The following ZBTB17 variants were observed in gnomAD, a reference collection of about 807,000 sequenced individuals.
The protein encoded by ZBTB17 is zinc finger and BTB domain containing 17.
Under a neutral mutation model 85.1 loss-of-function variants are expected in ZBTB17, and 24 were observed. That is an observed-to-expected ratio of 0.28 (90% CI 0.20 to 0.40). The LOEUF (loss-of-function observed/expected upper bound fraction) is 0.40, where lower values mean the gene tolerates loss of function less well. Among genes scored for constraint, ZBTB17 ranks in the 10% least tolerant of loss-of-function variants. The pLI, the probability that ZBTB17 is intolerant of heterozygous loss-of-function variation, is 1.00. For synonymous variants in ZBTB17, 464 were observed against 460.2 expected, an observed-to-expected ratio of 1.01 and a Z score of -0.11; for missense variants, 743 against 1,105.1, an observed-to-expected ratio of 0.67 and a Z score of 4.65.
intron 2 of ZBTB17, among the ~76,000 whole-genome samples, chr1:15,965,067 T>A (rs1557793378): frequency 6.7e-6 from 1 of 148,886 alleles, no homozygotes; most frequent in Non-Finnish European, 1.5e-5. Context: ...TGAGCTGAGA[T>A]CGCGCCACTG....
chr1:15,942,746 A>C lies in ZBTB17; in HGVS notation c.1829-8T>G. ...ACAGGTAAGGCTTCTCTCCTGGGGGAGCAAGGTTCTCTCTTGCCTTTGTGG... is the reference window on the plus strand; with the variant it reads ...ACAGGTAAGGCTTCTCTCCTGGGGGCGCAAGGTTCTCTCTTGCCTTTGTGG... On this transcript the variant is annotated splice_polypyrimidine_tract_variant and splice_region_variant and intron_variant, in intron 13 of 15. Transcript: ENST00000375743. 1.9e-6 allele frequency: 3 copies of C among 1,612,504 alleles called. 1 individual carries two copies. The highest frequency in any genetic ancestry group is 2.2e-5 in the South Asian group (2 of 91,006).
intron 8 of ZBTB17, 40 bp from the exon 9 acceptor site, chr1:15,944,640 G>C: frequency 1.2e-6 from 2 of 1,600,946 alleles, no homozygotes; most frequent in Non-Finnish European, 1.7e-6. Context: ...GGCTCGCTGG[G>C]GCGTGAAAGG....
intron 3 of ZBTB17, 64 bp from the exon 4 acceptor site, chr1:15,947,187 C>A: frequency 1.3e-6 from 2 of 1,503,210 alleles, no homozygotes; most frequent in Non-Finnish European, 9.0e-7. Context: ...GCCTGCCCCA[C>A]CACTCCACTC....
At chr1:15,963,509 C>CG (rs2072330763) in intron 2 of ZBTB17, among the ~76,000 whole-genome samples, 1 of 152,198 alleles carries the variant, frequency 6.6e-6, no homozygotes, top group African/African-American at 2.4e-5. Context: ...CCCCACCCTC[C>CG]ACCCCATCCC....
intron 2 of ZBTB17, among the ~76,000 whole-genome samples, chr1:15,956,058 C>T (rs2072034888): frequency 6.6e-6 from 1 of 152,204 alleles, no homozygotes; most frequent in Non-Finnish European, 1.5e-5. Flanking sequence ...GTACGCATAC[C>T]AGGGACTTGT....
chr1:15,948,401 C>G lies in ZBTB17; in HGVS notation c.95G>C (p.Gly32Ala), dbSNP rs750913169. 4.3e-6 allele frequency: 7 copies of G among 1,614,046 alleles called. No individual in the cohort carries two copies. The highest frequency in any genetic ancestry group is 1.6e-4 in the Middle Eastern group (1 of 6,062). ...LLCDCTFVVD[G>A]VHFKAHKAVL... is the part of the protein sequence containing the mutation. ...TGCTTTATGAGCCTTAAAGTGAACA[C>G]CGTCCACCACAAAGGTGCAGTCACA... Residue 32 changes from glycine (G) to alanine (A), a missense_variant, in exon 3 of 16, where the codon GGT (glycine) becomes GCT (alanine). Around this residue, in one of 4 missense-constraint regions of ZBTB17, gnomAD observed 74 missense variants for 142.6 expected, o/e 0.52. Transcript: ENST00000375743.
intron 2 of ZBTB17, among the ~76,000 whole-genome samples, chr1:15,970,637 T>C (rs2072616413): frequency 6.6e-6 from 1 of 151,872 alleles, no homozygotes; most frequent in South Asian, 2.1e-4. Context: ...CAACCTCCGC[T>C]TCCCAGGTTC....
At chr1:15,943,921 GC>G in intron 9 of ZBTB17, 26 bp from the exon 10 acceptor site, 1 of 1,570,142 alleles carries the variant, frequency 6.4e-7, no homozygotes, top group Non-Finnish European at 8.6e-7. Context: ...GGTCAGGGGG[GC>G]CACCCCACAG....
At chr1:15,971,419 ATATATATATACACACACAC>A (rs1557799490) in intron 2 of ZBTB17, among the ~76,000 whole-genome samples, 14 of 107,366 alleles carry the variant, frequency 1.3e-4, no homozygotes, top group Non-Finnish European at 1.7e-4. Flanking sequence ...CACACACACT[ATATATATATACACACACAC>A]TATATATATA....
intron 9 of ZBTB17, 72 bp from the exon 10 acceptor site, chr1:15,943,967 A>C: frequency 7.2e-7 from 1 of 1,391,998 alleles, no homozygotes; most frequent in Non-Finnish European, 1.0e-6. Context: ...TGCCCCTCCC[A>C]CAAAGGAACA....
Position 15,973,570 on chromosome 1 carries a change from G to C in ZBTB17, c.-89-445C>G, listed in dbSNP as rs1383586572. Among the ~76,000 whole-genome samples the C allele has an allele frequency of 1.3e-5, 2 of 152,024 alleles. No homozygotes were observed. Among genetic ancestry groups the C allele is most frequent in the Admixed American group, 6.6e-5 (1 of 15,264 alleles). ...ACAGGTGCACTTGAATGTTTTACAG[G>C]CATCCAACTCCAACATGTTCAAAAC... is the stretch of plus-strand genomic sequence containing the variant. On this transcript the variant is annotated intron_variant, in intron 1 of 15. Coordinates refer to ENST00000375743, the MANE Select transcript of ZBTB17 (RefSeq NM_003443.3). The surrounding 1 kb of genome is among the most constrained non-coding windows in gnomAD (Gnocchi z 4.1).
chr1:15,972,453 A>G (rs774714599), intron 2 of ZBTB17, among the ~76,000 whole-genome samples: 23 of 152,320 alleles, frequency 1.5e-4, no homozygotes, highest in Non-Finnish European at 2.6e-4. Context: ...AACAGTCACA[A>G]TCTGTTCTTT....
In ZBTB17 at chr1:15,942,862, T is replaced by C. The variant is rs1444894319; in HGVS notation, c.1829-124A>G. ...ACAGCAGGAGGTGCTCTGGGGTGGCTGCACGGGTGCCTCTGGTGACACTGG... is the reference window on the plus strand; with the variant it reads ...ACAGCAGGAGGTGCTCTGGGGTGGCCGCACGGGTGCCTCTGGTGACACTGG... On this transcript the variant is annotated intron_variant, in intron 13 of 15. Coordinates refer to ENST00000375743, the MANE Select transcript of ZBTB17 (RefSeq NM_003443.3). 2.2e-6 allele frequency: 3 copies of C among 1,359,296 alleles called. No individual in the cohort carries two copies. The East Asian group carries it at 7.5e-5, about 34-fold the overall frequency. 84.2% of individuals were successfully genotyped at this position (1,359,296 alleles called of 1,614,324 possible).
At chr1:15,946,352 T>C (rs1162850037) in intron 4 of ZBTB17, 58 bp from the exon 5 acceptor site, 4 of 1,580,598 alleles carry the variant, frequency 2.5e-6, no homozygotes, top group Non-Finnish European at 3.5e-6. Context: ...CATCTGGAGG[T>C]GTGAGGTGGC....
chr1:15,963,437 G>C (rs1460391498), intron 2 of ZBTB17, among the ~76,000 whole-genome samples: 1 of 152,220 alleles, frequency 6.6e-6, no homozygotes, highest in Non-Finnish European at 1.5e-5. Flanking sequence ...AATCCAGAGA[G>C]CAAGTGGAGC....
At chr1:15,942,903 T>C (rs1018997187) in intron 13 of ZBTB17, 161 bp downstream of exon 13, 24 of 1,343,910 alleles carry the variant, frequency 1.8e-5, no homozygotes, top group Non-Finnish European at 2.4e-5. Flanking sequence ...CTGGAAGCTC[T>C]AGGAAAATGG....
At chr1:15,958,887 C>T (rs2072149316) in intron 2 of ZBTB17, among the ~76,000 whole-genome samples, 1 of 152,156 alleles carries the variant, frequency 6.6e-6, no homozygotes, top group Admixed American at 6.5e-5. Context: ...AGCTGGAGGG[C>T]CAGGCTGGGG....
chr1:15,954,792 GT>G (rs1185050426), intron 2 of ZBTB17, among the ~76,000 whole-genome samples: 3 of 152,112 alleles, frequency 2.0e-5, no homozygotes, highest in African/African-American at 7.2e-5. Flanking sequence ...CGAGGCTGCA[GT>G]TAGCTGTGAT....
At position 15,967,548 on chromosome 1, in the gene ZBTB17, G is replaced by A. The variant is rs566422083; in HGVS notation, c.-3+5491C>T. 2.6e-5 allele frequency among the ~76,000 whole-genome samples: 4 copies of A among 152,108 alleles called. No individual in the cohort carries two copies. The East Asian group carries it at 5.8e-4, about 22-fold the overall frequency. ...AAAAAAAGTTTCCTGGGAGGAGAGG[G>A]GGGTAACTTACTTTCCACAGGTACA... is the stretch of plus-strand genomic sequence containing the variant. On this transcript the variant is annotated intron_variant, in intron 2 of 15. Transcript: ENST00000375743.
Sources: allele counts gnomAD v4.1 joint callset (sites outside exome capture counted in the v4.1 genomes callset), GRCh38; gene constraint gnomAD v4.1.1; regional missense constraint gnomAD v4.1.1; non-coding constraint Gnocchi (gnomAD v3.1); transcripts MANE v1.5; gene names NCBI Gene and HGNC (gene_info 2026-07-23, HGNC 2026-07-21).